Variants in ICA1 observed in about 807,000 individuals in gnomAD.
ICA1 encodes the protein islet cell autoantigen 1, also known as 69 kDa islet cell autoantigen.
ICA1 carries 40 observed loss-of-function variants against 71.0 expected under a neutral mutation model. That is an observed-to-expected ratio of 0.56 (90% confidence interval 0.44 to 0.73). The LOEUF (loss-of-function observed/expected upper bound fraction) is 0.73, where lower values mean the gene tolerates loss of function less well. ICA1 is among the 30% of genes least tolerant of loss of function. The pLI, the probability that ICA1 is intolerant of heterozygous loss-of-function variation, is 0.00. For synonymous variants in ICA1, 207 were observed against 209.5 expected (o/e 0.99, Z 0.10); for missense variants, 578 against 576.5 (o/e 1.00, Z -0.03).
At chr7:8,250,788 C>G (rs1807891809) in intron 1 of ICA1, among the ~76,000 whole-genome samples, 1 of 152,154 alleles carries the variant, frequency 6.6e-6, no homozygotes. Context: ...GAATTGTGAT[C>G]TTATTCATGG....
At chr7:8,149,082 G>T (rs73674840) in intron 8 of ICA1, among the ~76,000 whole-genome samples, 5,067 of 152,266 alleles carry the variant, frequency 0.033, 108 homozygotes, top group Middle Eastern at 0.054. Context: ...CTGTGTGACA[G>T]GAACACCTGC....
chr7:8,131,618 TGAC>T (rs1359425953), intron 12 of ICA1, among the ~76,000 whole-genome samples: 3 of 152,246 alleles, frequency 2.0e-5, no homozygotes, highest in Non-Finnish European at 4.4e-5. Context: ...AAACTGGCAC[TGAC>T]TTGAACCATA....
At chr7:8,252,806 C>T (rs748760787) in intron 1 of ICA1, among the ~76,000 whole-genome samples, 44 of 151,188 alleles carry the variant, frequency 2.9e-4, no homozygotes, top group East Asian at 5.8e-4. Context: ...TTATATTTTA[C>T]GTTGAAACAA....
chr7:8,169,901 A>T (rs201270447), intron 6 of ICA1, among the ~76,000 whole-genome samples: 6 of 147,182 alleles, frequency 4.1e-5, no homozygotes, highest in South Asian at 2.2e-4. Flanking sequence ...TTAATGCCTG[A>T]GTGTGTGTGT....
chr7:8,135,423 A>G (rs2128103370), intron 12 of ICA1, among the ~76,000 whole-genome samples: 1 of 152,288 alleles, frequency 6.6e-6, no homozygotes, highest in African/African-American at 2.4e-5. Flanking sequence ...AAAAAAAAAA[A>G]TGTACCAAAG....
intron 3 of ICA1, among the ~76,000 whole-genome samples, chr7:8,230,880 C>A (rs1442002323): frequency 3.3e-5 from 5 of 152,164 alleles, no homozygotes; most frequent in African/African-American, 1.2e-4. Flanking sequence ...ATTGCACTAA[C>A]ACATACCCTT....
chr7:8,217,649 G>A (rs926641969), intron 6 of ICA1, among the ~76,000 whole-genome samples: 1 of 152,128 alleles, frequency 6.6e-6, no homozygotes. Context: ...TAAATATTCA[G>A]TGTAAGACTG....
At chr7:8,198,080 T>C (rs1788311108) in intron 6 of ICA1, among the ~76,000 whole-genome samples, 1 of 152,264 alleles carries the variant, frequency 6.6e-6, no homozygotes, top group Non-Finnish European at 1.5e-5. Context: ...GATTGTGGTA[T>C]ACCACAAGCC....
At chr7:8,142,038 C>A (rs759744942) in intron 9 of ICA1, 1 of 1,452,118 alleles carries the variant, frequency 6.9e-7, no homozygotes, top group Non-Finnish European at 9.2e-7. Context: ...CATCTCGAGG[C>A]AAATATTCTG....
intron 13 of ICA1, among the ~76,000 whole-genome samples, chr7:8,118,488 T>A (rs1785502123): frequency 6.6e-6 from 1 of 152,192 alleles, no homozygotes. Flanking sequence ...AGTTTTGGCA[T>A]ATAAATTATA....
At chr7:8,197,317 G>A (rs1440111200) in intron 6 of ICA1, among the ~76,000 whole-genome samples, 1 of 151,642 alleles carries the variant, frequency 6.6e-6, no homozygotes, top group Non-Finnish European at 1.5e-5. Flanking sequence ...CACTTTGGGA[G>A]GCCGAAGCGG....
intron 8 of ICA1, among the ~76,000 whole-genome samples, chr7:8,150,497 A>G (rs1798432787): frequency 6.6e-6 from 1 of 152,208 alleles, no homozygotes; most frequent in African/African-American, 2.4e-5. Flanking sequence ...AGGAAAATGG[A>G]GACTTGGAGA....
chr7:8,235,498 C>T (rs1469727138), intron 2 of ICA1, among the ~76,000 whole-genome samples: 2 of 152,194 alleles, frequency 1.3e-5, no homozygotes, highest in Non-Finnish European at 2.9e-5. Context: ...AATTAATAAG[C>T]ACGAGTCGTG....
At chr7:8,191,446 CAAT>C (rs2128299013) in intron 6 of ICA1, among the ~76,000 whole-genome samples, 1 of 152,180 alleles carries the variant, frequency 6.6e-6, no homozygotes, top group Admixed American at 6.5e-5. Context: ...GTACAGTGTT[CAAT>C]AAATTACTGT....
intron 3 of ICA1, among the ~76,000 whole-genome samples, chr7:8,230,187 G>A (rs1799823897): frequency 1.3e-5 from 2 of 152,208 alleles, no homozygotes; most frequent in Admixed American, 6.5e-5. Context: ...GTCTGTTATT[G>A]TACTGAAGAG....
At chr7:8,259,704 A>C (rs750866826) in intron 1 of ICA1, among the ~76,000 whole-genome samples, 15 of 152,206 alleles carry the variant, frequency 9.9e-5, no homozygotes, top group South Asian at 2.1e-4. Context: ...TCACACGGCT[A>C]GTTAGGTGTT....
In ICA1 at chr7:8,235,951, T is replaced by C. The variant is rs746993415; in HGVS notation, c.-25A>G. The stretch of plus-strand genomic sequence containing the variant: ...TGTTTTCTTCTTCTTCTATTGTTGA[T>C]GATTTGGGGAGAAGGGGCAGGAAAA... On this transcript the variant is annotated 5_prime_UTR_variant, in exon 2 of 14. Coordinates refer to ENST00000402384, the MANE Select transcript of ICA1 (RefSeq NM_001136020.3). 2 of 1,611,768 alleles carry C rather than the reference T, an allele frequency of 1.2e-6. No individual in the cohort carries two copies. The highest frequency in any genetic ancestry group is 1.3e-5 in the African/African-American group (1 of 74,974).
At chr7:8,150,313 C>A (rs1400394919) in intron 8 of ICA1, among the ~76,000 whole-genome samples, 1 of 152,170 alleles carries the variant, frequency 6.6e-6, no homozygotes, top group African/African-American at 2.4e-5. Context: ...CTACACAGTA[C>A]CAAGCTCATA....
intron 8 of ICA1, among the ~76,000 whole-genome samples, chr7:8,153,392 G>A (rs935714466): frequency 8.5e-5 from 13 of 152,082 alleles, no homozygotes; most frequent in Admixed American, 2.0e-4. Flanking sequence ...TGCTCACTGC[G>A]ACACCCAACT....
Sources: allele counts gnomAD v4.1 joint callset (sites outside exome capture counted in the v4.1 genomes callset), GRCh38; gene constraint gnomAD v4.1.1; transcripts MANE v1.5; gene names NCBI Gene and HGNC (gene_info 2026-07-23, HGNC 2026-07-21).